GABRA2: variants seen among roughly 807,000 people sequenced by gnomAD.
GABRA2 encodes gamma-aminobutyric acid type A receptor subunit alpha2.
In GABRA2, 16 loss-of-function variants were observed where a neutral mutation model predicts 48.7. The observed-to-expected ratio is 0.33, with a 90% CI of 0.22 to 0.50. The LOEUF is 0.50. GABRA2 is among the 20% of genes least tolerant of loss of function. The pLI, the probability that GABRA2 is intolerant of heterozygous loss-of-function variation, is 0.98. For missense variants in GABRA2, 275 were observed against 535.6 expected (o/e 0.51, Z 4.80); for synonymous variants, 185 against 184.5 (o/e 1.00, Z -0.02).
chr4:46,266,283 G>A (rs1366815369), intron 8 of GABRA2, among the ~76,000 whole-genome samples: 1 of 145,226 alleles, frequency 6.9e-6, no homozygotes, highest in Non-Finnish European at 1.5e-5. Context: ...TAATAAGATA[G>A]TAAACAAATT....
In GABRA2 at chr4:46,246,314, A is replaced by G. The variant is rs1713707139; in HGVS notation, c.*3994T>C. On this transcript the variant is annotated 3_prime_UTR_variant, in exon 10 of 10. Transcript: ENST00000381620. ...TTAATATAAATTTTAACAGCAAAAT[A>G]TTATGGATATTAAATAATTATGTTA... Among the ~76,000 whole-genome samples the G allele has an allele frequency of 6.6e-6, 1 of 150,968 alleles. No individual in the cohort carries two copies. The highest frequency in any genetic ancestry group is 1.5e-5 in the Non-Finnish European group (1 of 67,426).
At chr4:46,377,395 C>T (rs1454814965) in intron 3 of GABRA2, among the ~76,000 whole-genome samples, 14 of 146,998 alleles carry the variant, frequency 9.5e-5, no homozygotes, top group African/African-American at 2.3e-4. Context: ...CCGCCCCGTC[C>T]GGGATGTGAG....
At chr4:46,286,496 C>G (rs984581737) in intron 8 of GABRA2, among the ~76,000 whole-genome samples, 1 of 152,008 alleles carries the variant, frequency 6.6e-6, no homozygotes, top group Non-Finnish European at 1.5e-5. Context: ...TACGGTAATT[C>G]TCTGTCTAAC....
chr4:46,310,246 A>T lies in GABRA2; in HGVS notation c.486T>A (p.Val162=). The stretch of plus-strand genomic sequence containing the variant: ...CCAAGTGCATTGGGCATTCAGCTTG[A>T]ACTGTAAGCCTAAAAGTCAAAATTT... ...GTLLYTMRLT[V]QAECPMHLED... is the part of the protein sequence containing the mutation. Residue 162 remains valine, a synonymous_variant, in exon 6 of 10, where the codon GTT becomes GTA. Transcript: ENST00000381620. 6.2e-7 allele frequency: 1 copy of T among 1,613,502 alleles called. No homozygotes were observed.
rs990837596 is a variant in GABRA2 at position 46,244,065 on chromosome 4, C to T, written c.*6243G>A. 1 of 151,392 alleles carries T rather than the reference C, an allele frequency of 6.6e-6. No individual in the cohort carries two copies. The highest frequency in any genetic ancestry group is 1.5e-5 in the Non-Finnish European group (1 of 67,622). The allele number at this position is 151,392 out of a possible 1,614,324, so 9.4% of individuals were successfully genotyped here. The stretch of plus-strand genomic sequence containing the variant: ...TATAGAAGACCAACAATTTTAAAAT[C>T]AAGTGTAGTGCAGGCACCCAAGATT... On this transcript the variant is annotated 3_prime_UTR_variant, in exon 10 of 10. Coordinates refer to ENST00000381620, the MANE Select transcript of GABRA2 (RefSeq NM_000807.4).
chr4:46,353,653 T>C (rs1249682069), intron 3 of GABRA2, among the ~76,000 whole-genome samples: 1 of 152,116 alleles, frequency 6.6e-6, no homozygotes, highest in Non-Finnish European at 1.5e-5. Flanking sequence ...TGTAGAATGC[T>C]ATTTTTTTCA....
intron 8 of GABRA2, among the ~76,000 whole-genome samples, chr4:46,284,150 T>C (rs1722080613): frequency 6.6e-6 from 1 of 151,990 alleles, no homozygotes; most frequent in South Asian, 2.1e-4. Context: ...ATAATTCATA[T>C]AAACTTATCC....
intron 6 of GABRA2, among the ~76,000 whole-genome samples, chr4:46,307,439 AG>A (rs996328227): frequency 8.2e-6 from 1 of 122,162 alleles, no homozygotes; most frequent in Non-Finnish European, 1.8e-5. Flanking sequence ...TAAATTATGA[AG>A]TTTTTTTTTT....
chr4:46,253,724 A>G (rs373957946), intron 9 of GABRA2, among the ~76,000 whole-genome samples: 74 of 151,534 alleles, frequency 4.9e-4, no homozygotes, highest in Middle Eastern at 3.4e-3. Flanking sequence ...TTAGTTAAGA[A>G]CCCAGTTGCT....
intron 8 of GABRA2, among the ~76,000 whole-genome samples, chr4:46,271,130 AAGG>A (rs1719248300): frequency 6.6e-6 from 1 of 152,030 alleles, no homozygotes; most frequent in Non-Finnish European, 1.5e-5. Context: ...GGAAGTTAAG[AAGG>A]AGAAGTCTCA....
intron 3 of GABRA2, chr4:46,368,953 T>C (rs1325626906): frequency 1.4e-6 from 1 of 698,302 alleles, no homozygotes; most frequent in Non-Finnish European, 2.6e-6. Flanking sequence ...TTGGGTCCCT[T>C]TGTTCTGGCT....
chr4:46,295,443 T>C (rs1024860746), intron 8 of GABRA2, among the ~76,000 whole-genome samples: 2 of 152,238 alleles, frequency 1.3e-5, no homozygotes, highest in Non-Finnish European at 2.9e-5. Flanking sequence ...CCCAAGTGAG[T>C]GCTCACCAAT....
At position 46,247,130 on chromosome 4, in the gene GABRA2, A is replaced by T. The variant is rs905515834; in HGVS notation, c.*3178T>A. ...CAAGGGGATCACTTATCCAAACCTG[A>T]GATAAATTCAAAATAGAGAGATACC... On this transcript the variant is annotated 3_prime_UTR_variant, in exon 10 of 10. Coordinates refer to ENST00000381620, the MANE Select transcript of GABRA2 (RefSeq NM_000807.4). 6.6e-6 allele frequency among the ~76,000 whole-genome samples: 1 copy of T among 151,340 alleles called. No individual in the cohort carries two copies. Among genetic ancestry groups the T allele is most frequent in the Non-Finnish European group, 1.5e-5 (1 of 67,548 alleles).
intron 9 of GABRA2, among the ~76,000 whole-genome samples, chr4:46,260,598 A>G (rs1287053751): frequency 6.6e-6 from 1 of 151,940 alleles, no homozygotes; most frequent in East Asian, 1.9e-4. Flanking sequence ...CTAATATTTT[A>G]TCTCCAAAAA....
chr4:46,257,330 C>A (rs1219272721), intron 9 of GABRA2, among the ~76,000 whole-genome samples: 2 of 151,492 alleles, frequency 1.3e-5, no homozygotes, highest in African/African-American at 4.8e-5. Context: ...GGTATTATTG[C>A]AAGAGGGGTC....
intron 4 of GABRA2, among the ~76,000 whole-genome samples, chr4:46,332,195 G>T (rs1189918901): frequency 6.6e-6 from 1 of 151,928 alleles, no homozygotes; most frequent in Non-Finnish European, 1.5e-5. Context: ...CCAATCAAAG[G>T]GTTTTTTGTT....
chr4:46,363,517 G>A (rs1713554345), intron 3 of GABRA2, among the ~76,000 whole-genome samples: 1 of 152,006 alleles, frequency 6.6e-6, no homozygotes. Flanking sequence ...TAAAAAATAA[G>A]ACAAGATAGT....
chr4:46,299,020 A>C (rs1314526943), intron 8 of GABRA2, among the ~76,000 whole-genome samples: 5 of 151,170 alleles, frequency 3.3e-5, no homozygotes, highest in Admixed American at 3.3e-4. Context: ...TCATATATTT[A>C]TGATTATTAG....
Position 46,254,745 on chromosome 4 carries a change from C to T in GABRA2, c.1060-4141G>A, listed in dbSNP as rs778790802. Among the ~76,000 whole-genome samples, 6 of 151,544 alleles carry T rather than the reference C, an allele frequency of 4.0e-5. No homozygotes were observed. In the South Asian group the frequency reaches 1.0e-3, roughly 26 times the overall value. On this transcript the variant is annotated intron_variant, in intron 9 of 9. Transcript: ENST00000381620. ...GTGAATGACTGATAAAATATCTCTC[C>T]GGAATTCTTAACCACTAAATTTCAC...
Sources: gnomAD v4.1 joint callset for allele counts (sites outside exome capture counted in the v4.1 genomes callset) on GRCh38, gnomAD v4.1.1 for gene constraint, MANE v1.5 for transcripts, NCBI Gene and HGNC (gene_info 2026-07-23, HGNC 2026-07-21) for gene names.